Variants in ADAMTS20 observed in about 807,000 individuals in gnomAD.
The protein encoded by ADAMTS20 is ADAM metallopeptidase with thrombospondin type 1 motif 20, also known as A disintegrin and metalloproteinase with thrombospondin motifs 20.
A neutral mutation model predicts 260.1 loss-of-function variants in ADAMTS20; 225 were observed. The observed-to-expected ratio is 0.87, with a 90% confidence interval of 0.78 to 0.97. ADAMTS20 has a LOEUF of 0.97. Among genes scored for constraint, ADAMTS20 ranks in the 50% least tolerant of loss-of-function variants. ADAMTS20 has a pLI of 0.00. For synonymous variants in ADAMTS20, 802 were observed against 769.5 expected (o/e 1.04, Z -0.70); for missense variants, 2,400 against 2,337.7 (o/e 1.03, Z -0.55).
intron 14 of ADAMTS20, among the ~76,000 whole-genome samples, chr12:43,451,604 C>T (rs760761591): frequency 2.0e-4 from 30 of 152,108 alleles, no homozygotes; most frequent in Non-Finnish European, 2.5e-4. Flanking sequence ...AAGTCTTATG[C>T]GCTCCATAAA....
In ADAMTS20 at chr12:43,502,409, G is replaced by A; in HGVS notation, c.614-4C>T. On this transcript the variant is annotated splice_polypyrimidine_tract_variant and splice_region_variant and intron_variant, in intron 3 of 38. Transcript: ENST00000389420. ...CTGGTTTCCTTTATTTGACTTTCTA[G>A]GGAGAAAAAAAGAATATAATGCAGA... 1 of 1,570,968 alleles carries A rather than the reference G, an allele frequency of 6.4e-7. No homozygotes were observed. Among genetic ancestry groups the A allele is most frequent in the Non-Finnish European group, 8.6e-7 (1 of 1,168,608 alleles).
At chr12:43,543,163 C>T (rs1943398966) in intron 2 of ADAMTS20, among the ~76,000 whole-genome samples, 1 of 151,716 alleles carries the variant, frequency 6.6e-6, no homozygotes, top group Non-Finnish European at 1.5e-5. Flanking sequence ...GAAAAAAAAA[C>T]TGGTCAGGTG....
chr12:43,512,240 T>C (rs1353052846), intron 3 of ADAMTS20, among the ~76,000 whole-genome samples: 1 of 149,248 alleles, frequency 6.7e-6, no homozygotes, highest in Non-Finnish European at 1.5e-5. Context: ...TATTTTATTA[T>C]ATATAAGGAA....
At chr12:43,409,924 T>A (rs1941000644) in intron 28 of ADAMTS20, among the ~76,000 whole-genome samples, 2 of 152,104 alleles carry the variant, frequency 1.3e-5, no homozygotes, top group Non-Finnish European at 2.9e-5. Flanking sequence ...AGGGAAGGAA[T>A]CAGAATGCAT....
At chr12:43,374,909 G>C (rs777389020) in intron 36 of ADAMTS20, among the ~76,000 whole-genome samples, 1 of 152,136 alleles carries the variant, frequency 6.6e-6, no homozygotes, top group Non-Finnish European at 1.5e-5. Context: ...GGTGGCTCAC[G>C]CCTGTAATCC....
intron 19 of ADAMTS20, among the ~76,000 whole-genome samples, chr12:43,433,558 T>A (rs961946623): frequency 6.6e-6 from 1 of 152,134 alleles, no homozygotes. Context: ...GAAATTCTCA[T>A]CAAGTGAAAG....
At chr12:43,530,320 T>A (rs1943202549) in intron 3 of ADAMTS20, among the ~76,000 whole-genome samples, 1 of 152,196 alleles carries the variant, frequency 6.6e-6, no homozygotes, top group South Asian at 2.1e-4. Flanking sequence ...CAAGCTGCTC[T>A]TGAATAGTAG....
intron 3 of ADAMTS20, among the ~76,000 whole-genome samples, chr12:43,527,904 G>C (rs1415309276): frequency 6.6e-6 from 1 of 151,990 alleles, no homozygotes; most frequent in East Asian, 1.9e-4. Flanking sequence ...AACTATCTCT[G>C]TTTACCAATG....
rs781157923 is a variant in ADAMTS20 at position 43,551,026 on chromosome 12, C to T, written c.336G>A (p.Pro112=). Residue 112 remains proline, a synonymous_variant, in exon 2 of 39, where the codon CCG becomes CCA. Transcript: ENST00000389420. The surrounding 1 kb of genome is among the most constrained non-coding windows in gnomAD (Gnocchi z 4.6). ...AGYTEVHLGT[P]ERGAWESDAG... ...CGTCGCTCTCCCAGGCCCCGCGCTC[C>T]GGGGTTCCCAAGTGCACCTCGGTGT... is the stretch of plus-strand genomic sequence containing the variant. The T allele has an allele frequency of 2.5e-6, 4 of 1,613,816 alleles. No individual in the cohort carries two copies. Among genetic ancestry groups the T allele is most frequent in the South Asian group, 1.1e-5 (1 of 91,072 alleles).
At chr12:43,452,842 C>T (rs11182084) in intron 12 of ADAMTS20, 147 bp from the exon 13 acceptor site, 61 of 725,242 alleles carry the variant, frequency 8.4e-5, no homozygotes, top group Non-Finnish European at 1.1e-4. Flanking sequence ...ATGAGTTTTA[C>T]GCAATTCTAT....
intron 3 of ADAMTS20, among the ~76,000 whole-genome samples, chr12:43,529,836 G>A (rs1208257394): frequency 6.6e-6 from 1 of 151,930 alleles, no homozygotes; most frequent in African/African-American, 2.4e-5. Context: ...AAACCTTCAA[G>A]TATTTCTAAA....
intron 2 of ADAMTS20, among the ~76,000 whole-genome samples, chr12:43,547,313 T>C (rs1943453679): frequency 6.6e-6 from 1 of 151,968 alleles, no homozygotes; most frequent in Non-Finnish European, 1.5e-5. Flanking sequence ...AAAAGGTCAA[T>C]TAAATGAGAT....
intron 16 of ADAMTS20, among the ~76,000 whole-genome samples, 169 bp downstream of exon 16, chr12:43,443,622 A>G (rs1941707125): frequency 6.6e-6 from 1 of 152,082 alleles, no homozygotes; most frequent in Non-Finnish European, 1.5e-5. Flanking sequence ...TAAGTAATAC[A>G]TTTTTGAGTG....
intron 37 of ADAMTS20, among the ~76,000 whole-genome samples, chr12:43,366,210 C>T (rs530092891): frequency 1.3e-4 from 20 of 151,580 alleles, no homozygotes; most frequent in African/African-American, 2.7e-4. Flanking sequence ...GATAAATTAG[C>T]CTTTAAAACA....
Position 43,551,710 on chromosome 12 carries a change from G to T in ADAMTS20, c.91+121C>A. On this transcript the variant is annotated intron_variant, in intron 1 of 38. Coordinates refer to ENST00000389420, the MANE Select transcript of ADAMTS20 (RefSeq NM_025003.5). This position sits in a 1 kb window ranked among gnomAD's most constrained non-coding sequence, Gnocchi z 4.6. ...TCCGGCTGACTGGTCCGGGAGTCCCGGGAGCTCCAGCAGGGCCAGCGTTCC... is the reference window on the plus strand; with the variant it reads ...TCCGGCTGACTGGTCCGGGAGTCCCTGGAGCTCCAGCAGGGCCAGCGTTCC... The T allele has an allele frequency of 9.7e-7, 1 of 1,030,980 alleles. No homozygotes were observed. Among genetic ancestry groups the T allele is most frequent in the East Asian group, 2.5e-5 (1 of 39,248 alleles). The allele number at this position is 1,030,980 out of a possible 1,614,324, so 63.9% of individuals were successfully genotyped here.
chr12:43,384,971 C>G (rs894981199), intron 29 of ADAMTS20, among the ~76,000 whole-genome samples: 1 of 152,030 alleles, frequency 6.6e-6, no homozygotes, highest in Admixed American at 6.5e-5. Flanking sequence ...GCACATATAC[C>G]AAAAATGGGA....
At position 43,430,350 on chromosome 12, in the gene ADAMTS20, A is replaced by G; in HGVS notation, c.3381+2T>C. ...TTGTTTGTAAACCATGATTCTTTTTACCTGTCTGTCACTGGGGCGACTAGC... is the reference window on the plus strand; with the variant it reads ...TTGTTTGTAAACCATGATTCTTTTTGCCTGTCTGTCACTGGGGCGACTAGC... On this transcript the variant is annotated splice_donor_variant, in intron 23 of 38. Coordinates refer to ENST00000389420, the MANE Select transcript of ADAMTS20 (RefSeq NM_025003.5). LOFTEE classifies it high-confidence loss of function. The G allele has an allele frequency of 6.2e-7, 1 of 1,611,050 alleles. No homozygotes were observed. The highest frequency in any genetic ancestry group is 8.5e-7 in the Non-Finnish European group (1 of 1,178,532).
chr12:43,522,269 G>A (rs1943082736), intron 3 of ADAMTS20, among the ~76,000 whole-genome samples: 1 of 152,052 alleles, frequency 6.6e-6, no homozygotes. Flanking sequence ...GTTCTCATGA[G>A]ACCCACTCAT....
chr12:43,549,717 G>A (rs1943487477), intron 2 of ADAMTS20, among the ~76,000 whole-genome samples: 1 of 152,084 alleles, frequency 6.6e-6, no homozygotes, highest in African/African-American at 2.4e-5. Flanking sequence ...TTCTGCCATT[G>A]TGATGTTGCA....
Sources: allele counts gnomAD v4.1 joint callset (sites outside exome capture counted in the v4.1 genomes callset), GRCh38; gene constraint gnomAD v4.1.1; non-coding constraint Gnocchi (gnomAD v3.1); transcripts MANE v1.5; gene names NCBI Gene and HGNC (gene_info 2026-07-23, HGNC 2026-07-21).